FBXW4: variants seen among roughly 807,000 people sequenced by gnomAD.
The protein encoded by FBXW4 is F-box/WD repeat-containing protein 4.
FBXW4 carries 40 observed loss-of-function variants against 61.8 expected under a neutral mutation model. That is an observed-to-expected ratio of 0.65 (90% CI 0.50 to 0.84). The LOEUF (loss-of-function observed/expected upper bound fraction) is 0.84, where lower values mean the gene tolerates loss of function less well. FBXW4 is among the 40% of genes least tolerant of loss of function. The pLI is 0.00. For synonymous variants in FBXW4, 311 were observed against 313.8 expected, an observed-to-expected ratio of 0.99 and a Z score of 0.10; for missense variants, 672 against 753.8, an observed-to-expected ratio of 0.89 and a Z score of 1.27.
intron 6 of FBXW4, among the ~76,000 whole-genome samples, chr10:101,613,437 C>T (rs373975364): frequency 3.9e-5 from 6 of 152,212 alleles, no homozygotes; most frequent in African/African-American, 1.2e-4. Flanking sequence ...TTCCTTTACC[C>T]GTGAGACGCT....
At chr10:101,665,924 G>C (rs2064295152) in intron 5 of FBXW4, among the ~76,000 whole-genome samples, 1 of 152,132 alleles carries the variant, frequency 6.6e-6, no homozygotes, top group Admixed American at 6.5e-5. Context: ...CCGGCCCTGA[G>C]AGCTTCTCTC....
chr10:101,682,058 A>T (rs2064483662), intron 1 of FBXW4, among the ~76,000 whole-genome samples: 1 of 152,206 alleles, frequency 6.6e-6, no homozygotes, highest in Non-Finnish European at 1.5e-5. Flanking sequence ...GAAGTACAAT[A>T]CATGTTATAA....
chr10:101,659,927 G>A (rs2064226410), intron 5 of FBXW4, among the ~76,000 whole-genome samples: 1 of 152,114 alleles, frequency 6.6e-6, no homozygotes, highest in Non-Finnish European at 1.5e-5. Flanking sequence ...TATTTGTGAG[G>A]CTAAAATATA....
At chr10:101,661,533 T>C (rs2064244884) in intron 5 of FBXW4, among the ~76,000 whole-genome samples, 1 of 152,182 alleles carries the variant, frequency 6.6e-6, no homozygotes, top group South Asian at 2.1e-4. Flanking sequence ...TTTCCAATTT[T>C]AGCTTGCTGC....
chr10:101,627,847 C>A, intron 5 of FBXW4: 1 of 519,290 alleles, frequency 1.9e-6, no homozygotes, highest in Non-Finnish European at 2.5e-6. Flanking sequence ...CACTCAGACT[C>A]CTCCCTTGAG....
At chr10:101,619,478 G>A (rs2063851015) in intron 6 of FBXW4, among the ~76,000 whole-genome samples, 1 of 152,012 alleles carries the variant, frequency 6.6e-6, no homozygotes, top group Non-Finnish European at 1.5e-5. Flanking sequence ...CTAAGACGGT[G>A]TAAACCCTGT....
At chr10:101,673,144 C>T (rs2064374491) in intron 3 of FBXW4, 97 bp from the exon 4 acceptor site, 1 of 1,462,212 alleles carries the variant, frequency 6.8e-7, no homozygotes, top group Non-Finnish European at 9.1e-7. Flanking sequence ...CCAGTGACAT[C>T]CAAATTTGCT....
intron 4 of FBXW4, 145 bp downstream of exon 4, chr10:101,672,770 A>T: frequency 1.1e-6 from 1 of 871,786 alleles, no homozygotes; most frequent in African/African-American, 1.7e-5. Flanking sequence ...TGCATGCCAG[A>T]GGCACATAAG....
At chr10:101,676,738 G>GAAAAAAAAAAAAAAA (rs2064413552) in intron 1 of FBXW4, 6 of 81,130 alleles carry the variant, frequency 7.4e-5, no homozygotes, top group Non-Finnish European at 4.6e-5. Context: ...AAAAAAAAAT[G>GAAAAAAAAAAAAAAA]AAATGAATCC....
chr10:101,652,800 A>G (rs1413561365), intron 5 of FBXW4, among the ~76,000 whole-genome samples: 1 of 152,148 alleles, frequency 6.6e-6, no homozygotes, highest in East Asian at 1.9e-4. Context: ...TTGCCCCCGA[A>G]TTACTCATTT....
At chr10:101,639,424 G>C (rs2064032387) in intron 5 of FBXW4, among the ~76,000 whole-genome samples, 1 of 152,204 alleles carries the variant, frequency 6.6e-6, no homozygotes, top group South Asian at 2.1e-4. Flanking sequence ...TTAAGAGTTG[G>C]TAGCCAAGGT....
At chr10:101,632,985 G>A (rs959005875) in intron 5 of FBXW4, among the ~76,000 whole-genome samples, 3 of 152,174 alleles carry the variant, frequency 2.0e-5, no homozygotes, top group Admixed American at 2.0e-4. Flanking sequence ...GTCAGATGAG[G>A]TAGCTGGCAT....
chr10:101,641,476 C>T (rs1297426576), intron 5 of FBXW4, among the ~76,000 whole-genome samples: 1 of 152,080 alleles, frequency 6.6e-6, no homozygotes, highest in Non-Finnish European at 1.5e-5. Context: ...TGACCTGGTA[C>T]AAATGACCCA....
intron 5 of FBXW4, among the ~76,000 whole-genome samples, chr10:101,629,404 A>AC (rs957437521): frequency 1.3e-5 from 2 of 151,346 alleles, no homozygotes; most frequent in Non-Finnish European, 2.9e-5. Flanking sequence ...CTGCCTCAGC[A>AC]CCCCCAGTAG....
chr10:101,679,521 GAAAT>G (rs1376553870), intron 1 of FBXW4, among the ~76,000 whole-genome samples: 3 of 152,138 alleles, frequency 2.0e-5, no homozygotes, highest in African/African-American at 7.2e-5. Context: ...GTAAACTAAG[GAAAT>G]AAATCACTTT....
intron 6 of FBXW4, among the ~76,000 whole-genome samples, chr10:101,621,318 C>T (rs1293237763): frequency 2.0e-5 from 3 of 152,192 alleles, no homozygotes; most frequent in African/African-American, 4.8e-5. Flanking sequence ...CTTGAGCCAA[C>T]GAGTTCGAGA....
chr10:101,657,257 C>T (rs761840833), intron 5 of FBXW4, among the ~76,000 whole-genome samples: 2 of 152,022 alleles, frequency 1.3e-5, no homozygotes, highest in Non-Finnish European at 2.9e-5. Flanking sequence ...ACTAGGGCAC[C>T]CCAGAGGCAG....
rs148112767 is a variant in FBXW4 at position 101,687,435 on chromosome 10, G to A, written c.725+6946C>T. 2.4e-3 allele frequency among the ~76,000 whole-genome samples: 365 copies of A among 152,110 alleles called. 1 individual carries two copies. The highest frequency in any genetic ancestry group is 9.6e-3 in the South Asian group (46 of 4,810). ...AAGGGGAGACCACAAAATCAACAGC[G>A]TACCCTAATCCAAAATACTTGCTTC... is the stretch of plus-strand genomic sequence containing the variant. On this transcript the variant is annotated intron_variant, in intron 1 of 8. Transcript: ENST00000331272.
At chr10:101,642,789 C>T (rs1589755386) in intron 5 of FBXW4, among the ~76,000 whole-genome samples, 1 of 152,352 alleles carries the variant, frequency 6.6e-6, no homozygotes, top group Non-Finnish European at 1.5e-5. Flanking sequence ...CAGGGGAGCA[C>T]TGGGGCCAGG....
Sources: gnomAD v4.1 joint callset for allele counts (sites outside exome capture counted in the v4.1 genomes callset) on GRCh38, gnomAD v4.1.1 for gene constraint, MANE v1.5 for transcripts, NCBI Gene and HGNC (gene_info 2026-07-23, HGNC 2026-07-21) for gene names.